FYB1: variants seen among roughly 807,000 people sequenced by gnomAD.
The protein encoded by FYB1 is FYN-binding protein 1.
A neutral mutation model predicts 94.1 loss-of-function variants in FYB1; 41 were observed. The observed-to-expected ratio is 0.44, with a 90% confidence interval of 0.34 to 0.57. The LOEUF (loss-of-function observed/expected upper bound fraction) is 0.57. Among genes scored for constraint, FYB1 ranks in the 20% least tolerant of loss-of-function variants. The pLI is 0.02. For missense variants in FYB1, 1,050 were observed against 976.8 expected, an observed-to-expected ratio of 1.07 and a Z score of -1.00; for synonymous variants, 367 against 353.2, an observed-to-expected ratio of 1.04 and a Z score of -0.44.
At chr5:39,121,500 C>T (rs1325918349) in intron 14 of FYB1, among the ~76,000 whole-genome samples, 1 of 152,122 alleles carries the variant, frequency 6.6e-6, no homozygotes, top group Non-Finnish European at 1.5e-5. Flanking sequence ...CAGTACAGCT[C>T]AGAAGACACA....
At chr5:39,188,230 G>A (rs1747024090) in intron 2 of FYB1, among the ~76,000 whole-genome samples, 1 of 151,904 alleles carries the variant, frequency 6.6e-6, no homozygotes, top group Non-Finnish European at 1.5e-5. Context: ...AGTGGTCAGA[G>A]CTATGCCATG....
chr5:39,174,235 T>C (rs1468591858), intron 2 of FYB1, among the ~76,000 whole-genome samples: 1 of 152,180 alleles, frequency 6.6e-6, no homozygotes, highest in Admixed American at 6.5e-5. Flanking sequence ...GTGTTCTTGA[T>C]TTGGTTCTCT....
intron 1 of FYB1, among the ~76,000 whole-genome samples, chr5:39,242,460 G>T (rs1417673291): frequency 6.6e-6 from 1 of 152,098 alleles, no homozygotes; most frequent in Non-Finnish European, 1.5e-5. Context: ...CCCTACAAAG[G>T]ACATGAACTC....
In FYB1 at chr5:39,153,583, G is replaced by A. The variant is rs60485725; in HGVS notation, c.1157C>T (p.Ser386Phe). The A allele has an allele frequency of 5.1e-4, 829 of 1,613,766 alleles. 6 individuals carry two copies. The African/African-American group carries it at 0.01, about 20-fold the overall frequency. ...SGNSTSKGQT[S>F]YSTTSLPPPP... ...TGGTGGCAGGGAAGTTGTTGAGTAAGACGTCTGGCCTTTGCTAGTACCTAA... is the reference window on the plus strand; with the variant it reads ...TGGTGGCAGGGAAGTTGTTGAGTAAAACGTCTGGCCTTTGCTAGTACCTAA... Residue 386 changes from serine (S) to phenylalanine (F), a missense_variant, in exon 3 of 19, where the codon TCT (serine) becomes TTT (phenylalanine). Transcript: ENST00000512982.
intron 2 of FYB1, chr5:39,169,597 C>A (rs575616457): frequency 2.1e-5 from 10 of 466,074 alleles, no homozygotes; most frequent in Admixed American, 1.3e-4. Context: ...GTAATCCCAG[C>A]ACTTTGGGAG....
At chr5:39,219,255 TGGCTACCATGA>T (rs1750108008) in intron 1 of FYB1, among the ~76,000 whole-genome samples, 177 bp downstream of exon 1, 1 of 152,224 alleles carries the variant, frequency 6.6e-6, no homozygotes. Flanking sequence ...ATCATCCTTT[TGGCTACCATGA>T]GGCTGAGTTT....
At chr5:39,181,321 G>T (rs983584607) in intron 2 of FYB1, among the ~76,000 whole-genome samples, 1 of 152,106 alleles carries the variant, frequency 6.6e-6, no homozygotes, top group Non-Finnish European at 1.5e-5. Flanking sequence ...GCTACTAGTC[G>T]CCTGTGGCTA....
chr5:39,116,393 TG>T (rs1739573946), intron 16 of FYB1, among the ~76,000 whole-genome samples: 1 of 152,204 alleles, frequency 6.6e-6, no homozygotes, highest in African/African-American at 2.4e-5. Flanking sequence ...GCATTGGTAC[TG>T]CAGCAGAAAG....
At chr5:39,186,801 T>C (rs1250151072) in intron 2 of FYB1, among the ~76,000 whole-genome samples, 1 of 152,156 alleles carries the variant, frequency 6.6e-6, no homozygotes, top group East Asian at 1.9e-4. Context: ...ATTGTCTTTC[T>C]TTATGATGTA....
At chr5:39,123,630 A>G (rs1740340910) in intron 13 of FYB1, among the ~76,000 whole-genome samples, 1 of 152,148 alleles carries the variant, frequency 6.6e-6, no homozygotes, top group Admixed American at 6.6e-5. Context: ...AGAATAGATT[A>G]CCTCTGTGTT....
chr5:39,122,150 A>G (rs1740178647), intron 14 of FYB1, among the ~76,000 whole-genome samples, 186 bp downstream of exon 14: 1 of 152,230 alleles, frequency 6.6e-6, no homozygotes, highest in South Asian at 2.1e-4. Context: ...GATTTGGGCT[A>G]TCTACTCACA....
chr5:39,107,308 A>G lies in FYB1; in HGVS notation c.*135T>C. ...TTCAAACTTTAAACACTTTGTAAAG[A>G]TAATTGGGATTTCATAACAAATGAT... is the stretch of plus-strand genomic sequence containing the variant. On this transcript the variant is annotated 3_prime_UTR_variant, in exon 19 of 19. Coordinates refer to ENST00000512982, the MANE Select transcript of FYB1 (RefSeq NM_001465.6). 1 of 525,000 alleles carries G rather than the reference A, an allele frequency of 1.9e-6. No homozygotes were observed. The highest frequency in any genetic ancestry group is 3.3e-6 in the Non-Finnish European group (1 of 302,776). The allele number at this position is 525,000 out of a possible 1,614,324, so 32.5% of individuals were successfully genotyped here.
intron 7 of FYB1, 61 bp downstream of exon 7, chr5:39,137,539 C>A: frequency 6.7e-7 from 1 of 1,500,802 alleles, no homozygotes; most frequent in Non-Finnish European, 8.9e-7. Context: ...AATGGTACCC[C>A]TTTTGTGTGA....
At chr5:39,222,378 A>G (rs1035928281), upstream of FYB1, among the ~76,000 whole-genome samples, 6 of 152,192 alleles carry the variant, frequency 3.9e-5, no homozygotes, top group Non-Finnish European at 8.8e-5. Flanking sequence ...ACATTAATTA[A>G]TGTATTAGAG....
intron 1 of FYB1, among the ~76,000 whole-genome samples, chr5:39,210,805 G>GT (rs1749296778): frequency 6.6e-6 from 1 of 152,142 alleles, no homozygotes; most frequent in Admixed American, 6.5e-5. Flanking sequence ...GAGCCCAAGG[G>GT]TTTGAGTTCA....
intron 1 of FYB1, among the ~76,000 whole-genome samples, chr5:39,272,700 T>C (rs2111789630): frequency 6.6e-6 from 1 of 150,884 alleles, no homozygotes; most frequent in Non-Finnish European, 1.5e-5. Flanking sequence ...AAAGAATTAC[T>C]TAATCTTAGT....
intron 9 of FYB1, 125 bp from the exon 10 acceptor site, chr5:39,130,737 C>T: frequency 1.4e-6 from 1 of 738,018 alleles, no homozygotes. Context: ...TCTTAGAATG[C>T]TATATGTAAA....
At chr5:39,144,263 T>TTA (rs1248154331) in intron 3 of FYB1, among the ~76,000 whole-genome samples, 2 of 152,166 alleles carry the variant, frequency 1.3e-5, no homozygotes. Context: ...CAAGTGAACA[T>TTA]TATTAGTTCC....
intron 1 of FYB1, among the ~76,000 whole-genome samples, chr5:39,210,525 A>C (rs1159602636): frequency 6.6e-6 from 1 of 152,192 alleles, no homozygotes; most frequent in Non-Finnish European, 1.5e-5. Flanking sequence ...ATTCTCTATA[A>C]GGCATGTGCA....
Sources: gnomAD v4.1 joint callset for allele counts (sites outside exome capture counted in the v4.1 genomes callset) on GRCh38, gnomAD v4.1.1 for gene constraint, MANE v1.5 for transcripts, NCBI Gene and HGNC (gene_info 2026-07-23, HGNC 2026-07-21) for gene names.